REPS2: variants seen among roughly 807,000 people sequenced by gnomAD.
REPS2 encodes RALBP1 associated Eps domain containing 2.
REPS2 carries 23 observed loss-of-function variants against 53.6 expected under a neutral mutation model. The observed-to-expected ratio is 0.43, with a 90% CI of 0.31 to 0.61. The LOEUF (loss-of-function observed/expected upper bound fraction) is 0.61. Among genes scored for constraint, REPS2 ranks in the 20% least tolerant of loss-of-function variants. The pLI is 0.11. For missense variants in REPS2, 446 were observed against 534.9 expected, an observed-to-expected ratio of 0.83 and a Z score of 1.64; for synonymous variants, 238 against 218.6, an observed-to-expected ratio of 1.09 and a Z score of -0.78.
chrX:16,980,336 C>G (rs898211693), intron 1 of REPS2, among the ~76,000 whole-genome samples: 17 of 104,531 alleles, frequency 1.6e-4, no homozygotes, highest in Admixed American at 1.0e-4. Flanking sequence ...TGGAGTCTCA[C>G]TCTGTCGCCA....
intron 1 of REPS2, among the ~76,000 whole-genome samples, chrX:16,951,001 G>A (rs2060498643): frequency 8.9e-6 from 1 of 111,862 alleles, no homozygotes; most frequent in Non-Finnish European, 1.9e-5. Flanking sequence ...AACTATGATC[G>A]CACCATTGCT....
At chrX:17,047,261 AT>A in intron 5 of REPS2, 85 bp from the exon 6 acceptor site, 1 of 1,041,834 alleles carries the variant, frequency 9.6e-7, no homozygotes, top group Non-Finnish European at 1.3e-6. Context: ...AGCATAACAC[AT>A]GATAACTTTT....
chrX:17,144,309 T>G (rs1480255712), intron 17 of REPS2, among the ~76,000 whole-genome samples: 1 of 113,042 alleles, frequency 8.8e-6, no homozygotes, highest in African/African-American at 3.2e-5. Context: ...GAAATAAACC[T>G]TCAGCATTCT....
At chrX:17,066,472 A>G (rs1255077092) in intron 9 of REPS2, among the ~76,000 whole-genome samples, 2 of 112,474 alleles carry the variant, frequency 1.8e-5, no homozygotes, top group African/African-American at 3.2e-5. Flanking sequence ...CTTCTAAATT[A>G]TGTTATTCTC....
the REPS2 span, among the ~76,000 whole-genome samples, chrX:17,195,727 T>C: frequency 1.8e-5 from 2 of 112,512 alleles, no homozygotes; most frequent in African/African-American, 6.5e-5. Flanking sequence ...ATTCTTATTC[T>C]GTCCTGGGAA....
chrX:17,059,316 T>A (rs1166308866), intron 8 of REPS2, among the ~76,000 whole-genome samples: 1 of 107,466 alleles, frequency 9.3e-6, no homozygotes, highest in Admixed American at 1.0e-4. Context: ...TTTTTTTTTT[T>A]AAAGCTTAAC....
At chrX:17,154,337 C>G (rs758067169), downstream of REPS2, among the ~76,000 whole-genome samples, 2 of 112,001 alleles carry the variant, frequency 1.8e-5, no homozygotes, top group Non-Finnish European at 3.8e-5. Flanking sequence ...TAATGTGTTC[C>G]TCCTGTTTAA....
intron 6 of REPS2, among the ~76,000 whole-genome samples, chrX:17,050,076 T>C (rs939291502): frequency 9.4e-6 from 1 of 106,066 alleles, no homozygotes; most frequent in African/African-American, 3.5e-5. Context: ...TGAACCATTT[T>C]TCATCTTTTA....
chrX:17,069,851 T>C, intron 10 of REPS2, 89 bp from the exon 11 acceptor site: 1 of 510,093 alleles, frequency 2.0e-6, no homozygotes, highest in Non-Finnish European at 3.0e-6. Flanking sequence ...TTTGTTTGAA[T>C]CCAATTTGCC....
At position 16,999,804 on chromosome X, in the gene REPS2, T is replaced by C. The variant is rs1374137356; in HGVS notation, c.274-6417T>C. Among the ~76,000 whole-genome samples, 3 of 109,248 alleles carry C rather than the reference T, an allele frequency of 2.7e-5. No homozygotes were observed. In the Admixed American group the frequency reaches 2.9e-4, roughly 11 times the overall value. The allele number at this position is 109,248 out of a possible 115,157, so 94.9% of individuals were successfully genotyped here. On this transcript the variant is annotated intron_variant, in intron 1 of 17. Coordinates refer to ENST00000357277, the MANE Select transcript of REPS2 (RefSeq NM_004726.3). ...GCTCACGCCTGTAATCCCAGCACTT[T>C]GGGAGGCCGAGGCGGGCGGATCACG... is the stretch of plus-strand genomic sequence containing the variant.
chrX:16,987,852 T>C (rs1016389214), intron 1 of REPS2, among the ~76,000 whole-genome samples: 6 of 112,588 alleles, frequency 5.3e-5, no homozygotes, highest in African/African-American at 1.9e-4. Flanking sequence ...TTTCTTGCTA[T>C]ATCTTTGAGG....
At chrX:17,048,212 G>A (rs1031104093) in intron 6 of REPS2, among the ~76,000 whole-genome samples, 1 of 112,631 alleles carries the variant, frequency 8.9e-6, no homozygotes, top group Non-Finnish European at 1.9e-5. Context: ...CCATATTGAA[G>A]TGTGGGCAAA....
chrX:17,036,099 G>A (rs188468726), intron 5 of REPS2, among the ~76,000 whole-genome samples: 2 of 112,107 alleles, frequency 1.8e-5, no homozygotes, highest in African/African-American at 6.5e-5. Flanking sequence ...ATATATGGGA[G>A]ACCAATTCCT....
intron 14 of REPS2, among the ~76,000 whole-genome samples, chrX:17,113,138 C>T (rs1266480609): frequency 1.4e-5 from 1 of 72,045 alleles, no homozygotes; most frequent in African/African-American, 5.4e-5. Context: ...AAAAAGAGCA[C>T]ACTAGATCCA....
At chrX:16,992,384 G>A (rs1481716788) in intron 1 of REPS2, among the ~76,000 whole-genome samples, 1 of 111,843 alleles carries the variant, frequency 8.9e-6, no homozygotes, top group Non-Finnish European at 1.9e-5. Flanking sequence ...CTGAGTCTAA[G>A]GTATTTTGTT....
At chrX:17,125,341 C>T (rs1392731247) in intron 14 of REPS2, among the ~76,000 whole-genome samples, 2 of 111,653 alleles carry the variant, frequency 1.8e-5, no homozygotes. Flanking sequence ...TTTGCAAGAG[C>T]ACCTGTGGCC....
the REPS2 span, among the ~76,000 whole-genome samples, chrX:17,172,236 G>T: frequency 8.9e-6 from 1 of 111,817 alleles, no homozygotes; most frequent in Admixed American, 9.5e-5. Flanking sequence ...AGGCTGATAT[G>T]GTTTGGGTCT....
At chrX:17,136,784 A>G (rs2063372822) in intron 16 of REPS2, 1 of 111,701 alleles carries the variant, frequency 9.0e-6, no homozygotes, top group Admixed American at 9.5e-5. Flanking sequence ...CCCATTAGCA[A>G]TCACTCCCCA....
intron 1 of REPS2, among the ~76,000 whole-genome samples, chrX:16,967,598 AG>A (rs1360599049): frequency 9.0e-6 from 1 of 110,826 alleles, no homozygotes; most frequent in Non-Finnish European, 1.9e-5. Flanking sequence ...TGGGAGGTCA[AG>A]GCTGGAGGGA....
Sources: gnomAD v4.1 joint callset for allele counts (sites outside exome capture counted in the v4.1 genomes callset) on GRCh38, gnomAD v4.1.1 for gene constraint, MANE v1.5 for transcripts, NCBI Gene and HGNC (gene_info 2026-07-23, HGNC 2026-07-21) for gene names.